The following SLC8A1 variants were observed in gnomAD, a reference collection of about 807,000 sequenced individuals.
The protein encoded by SLC8A1 is solute carrier family 8 member A1.
SLC8A1 carries 18 observed loss-of-function variants against 68.3 expected under a neutral mutation model. The ratio of observed to expected loss-of-function variants is 0.26; its 90% CI spans 0.18 to 0.39. The LOEUF (loss-of-function observed/expected upper bound fraction) is 0.39, where lower values mean the gene tolerates loss of function less well. Ranked by LOEUF, SLC8A1 falls within the 10% of genes least tolerant of loss-of-function variation. SLC8A1 has a pLI of 1.00. For missense variants in SLC8A1, 985 were observed against 1,156.7 expected (o/e 0.85, Z 2.15); for synonymous variants, 475 against 415.5 (o/e 1.14, Z -1.74).
chr2:40,192,504 CATGGTACAATT>C (rs1257916899), intron 2 of SLC8A1, among the ~76,000 whole-genome samples: 3 of 151,992 alleles, frequency 2.0e-5, no homozygotes, highest in Non-Finnish European at 4.4e-5. Flanking sequence ...TAACTTTAAT[CATGGTACAATT>C]AAGTTTAACT....
intron 2 of SLC8A1, among the ~76,000 whole-genome samples, chr2:40,244,998 G>A (rs575590780): frequency 1.8e-4 from 27 of 152,184 alleles, no homozygotes; most frequent in Non-Finnish European, 3.1e-4. Flanking sequence ...AATTTACAGT[G>A]TTCAAAGGTA....
intron 2 of SLC8A1, among the ~76,000 whole-genome samples, chr2:40,345,724 C>A (rs11674798): frequency 6.6e-6 from 1 of 152,116 alleles, no homozygotes; most frequent in Non-Finnish European, 1.5e-5. Flanking sequence ...AACCATCATT[C>A]TCAGCCAACT....
intron 1 of SLC8A1, among the ~76,000 whole-genome samples, chr2:40,478,191 G>T (rs75102995): frequency 2.0e-5 from 3 of 151,776 alleles, no homozygotes; most frequent in East Asian, 3.9e-4. Flanking sequence ...CAGTTTTCCT[G>T]ATTGATATCT....
At chr2:40,142,122 T>A (rs2041685386) in intron 6 of SLC8A1, among the ~76,000 whole-genome samples, 1 of 152,210 alleles carries the variant, frequency 6.6e-6, no homozygotes, top group Non-Finnish European at 1.5e-5. Flanking sequence ...TAGGAACAAT[T>A]ACTCAGTGTT....
chr2:40,361,501 C>T (rs11124739), intron 2 of SLC8A1, among the ~76,000 whole-genome samples: 84,693 of 150,954 alleles, frequency 0.56, 23,914 homozygotes, highest in Admixed American at 0.63. Flanking sequence ...CTTAATATTA[C>T]TGTAAACACT....
intron 7 of SLC8A1, among the ~76,000 whole-genome samples, chr2:40,133,171 G>T (rs189212063): frequency 2.6e-5 from 4 of 152,206 alleles, no homozygotes; most frequent in Admixed American, 2.0e-4. Context: ...AGAAGTCCAG[G>T]TTCCTGAATT....
intron 2 of SLC8A1, among the ~76,000 whole-genome samples, chr2:40,263,531 C>A (rs547563523): frequency 6.6e-6 from 1 of 151,928 alleles, no homozygotes; most frequent in South Asian, 2.1e-4. Context: ...CAGAACAGAG[C>A]CCTCAGAAAT....
At chr2:40,177,808 T>C in exon 3 of SLC8A1, 1 of 1,551,420 alleles carries the variant, frequency 6.4e-7, no homozygotes, top group Non-Finnish European at 8.7e-7. Flanking sequence ...GAAACTGCAC[T>C]CTTTCTCATA....
intron 2 of SLC8A1, among the ~76,000 whole-genome samples, chr2:40,333,956 G>A (rs1665105676): frequency 6.6e-6 from 1 of 152,138 alleles, no homozygotes; most frequent in Non-Finnish European, 1.5e-5. Flanking sequence ...GCTGAGGCAG[G>A]CGAATCACTT....
chr2:40,421,864 G>A (rs1695593846), intron 2 of SLC8A1, among the ~76,000 whole-genome samples: 1 of 152,162 alleles, frequency 6.6e-6, no homozygotes, highest in Non-Finnish European at 1.5e-5. Context: ...CTCAACCTTT[G>A]GCAAATACAT....
chr2:40,131,531 G>C (rs2039330730), intron 7 of SLC8A1, among the ~76,000 whole-genome samples: 1 of 152,202 alleles, frequency 6.6e-6, no homozygotes, highest in African/African-American at 2.4e-5. Context: ...GTTCGCTCCT[G>C]ACCACCTCTC....
At chr2:40,159,898 A>G (rs2045352547) in intron 6 of SLC8A1, among the ~76,000 whole-genome samples, 1 of 152,200 alleles carries the variant, frequency 6.6e-6, no homozygotes, top group African/African-American at 2.4e-5. Flanking sequence ...TCATGGCCCA[A>G]CTGCTAGTGA....
intron 7 of SLC8A1, among the ~76,000 whole-genome samples, chr2:40,128,104 G>A (rs1572880283): frequency 1.3e-5 from 2 of 152,326 alleles, no homozygotes; most frequent in South Asian, 2.1e-4. Flanking sequence ...TCCAGCTGGC[G>A]CTGTGCATAA....
At chr2:40,415,971 A>G (rs559132459) in intron 2 of SLC8A1, among the ~76,000 whole-genome samples, 2 of 148,878 alleles carry the variant, frequency 1.3e-5, no homozygotes, top group South Asian at 4.3e-4. Flanking sequence ...CTGAGGCAGG[A>G]GAATTGCTTG....
chr2:40,438,220 C>T (rs1207229133), intron 1 of SLC8A1, among the ~76,000 whole-genome samples: 2 of 152,106 alleles, frequency 1.3e-5, no homozygotes, highest in South Asian at 4.2e-4. Flanking sequence ...AATTGTTCAC[C>T]ACTAACCCTG....
chr2:40,404,836 T>C (rs890403026), intron 2 of SLC8A1, among the ~76,000 whole-genome samples: 1 of 152,160 alleles, frequency 6.6e-6, no homozygotes, highest in African/African-American at 2.4e-5. Flanking sequence ...TGCTGAAAAG[T>C]AGGGTGCCAC....
intron 2 of SLC8A1, among the ~76,000 whole-genome samples, chr2:40,320,750 C>T (rs1282474091): frequency 6.6e-6 from 1 of 152,098 alleles, no homozygotes; most frequent in African/African-American, 2.4e-5. Context: ...TCAATATTTC[C>T]TAAACTTAAT....
chr2:40,443,684 G>A (rs917709746), intron 1 of SLC8A1, among the ~76,000 whole-genome samples: 1 of 152,100 alleles, frequency 6.6e-6, no homozygotes, highest in African/African-American at 2.4e-5. Flanking sequence ...ACTGGTCTAG[G>A]GACTAAAAGA....
chr2:40,216,039 A>C (rs1474005712), intron 2 of SLC8A1, among the ~76,000 whole-genome samples: 1 of 129,312 alleles, frequency 7.7e-6, no homozygotes, highest in East Asian at 2.1e-4. Context: ...TTTTTTAAAA[A>C]TTTTACTTTA....
Sources: gnomAD v4.1 joint callset for allele counts (sites outside exome capture counted in the v4.1 genomes callset) on GRCh38, gnomAD v4.1.1 for gene constraint, MANE v1.5 for transcripts, NCBI Gene and HGNC (gene_info 2026-07-23, HGNC 2026-07-21) for gene names.